The following SLC6A5 variants were observed in gnomAD, a reference collection of about 807,000 sequenced individuals.
SLC6A5 encodes the protein solute carrier family 6 member 5, also known as sodium- and chloride-dependent glycine transporter 2.
In SLC6A5, 58 loss-of-function variants were observed where a neutral mutation model predicts 90.5. The observed-to-expected ratio is 0.64, with a 90% CI of 0.52 to 0.80. The LOEUF is 0.80. SLC6A5 is among the 30% of genes least tolerant of loss of function. SLC6A5 has a pLI of 0.00. For missense variants in SLC6A5, 1,015 were observed against 1,017.6 expected, an observed-to-expected ratio of 1.00 and a Z score of 0.03; for synonymous variants, 427 against 401.4, an observed-to-expected ratio of 1.06 and a Z score of -0.76.
At chr11:20,611,934 C>T (rs1590159848) in intron 5 of SLC6A5, among the ~76,000 whole-genome samples, 2 of 151,514 alleles carry the variant, frequency 1.3e-5, no homozygotes, top group Admixed American at 1.3e-4. Flanking sequence ...AAAAAAGGTC[C>T]TCTTCTCTTA....
At position 20,637,256 on chromosome 11, in the gene SLC6A5, GGCT is replaced by G. The variant is rs777415870; in HGVS notation, c.1828_1830del (p.Cys610del). 2 of 1,613,790 alleles carry G rather than the reference GGCT, an allele frequency of 1.2e-6. No homozygotes were observed. The highest frequency in any genetic ancestry group is 4.5e-5 in the East Asian group (2 of 44,836). On this transcript the variant is annotated inframe_deletion, in exon 12 of 16. Transcript: ENST00000525748. Reference sequence around the variant, plus strand: ...CACACACAAGCCAGTGTTTACTCTGGGCTGCTGCATTTGTTTCTTCATCATGGG... The same window carrying G: ...CACACACAAGCCAGTGTTTACTCTGGGCTGCATTTGTTTCTTCATCATGGG...
chr11:20,652,241 A>C (rs1853547489), intron 14 of SLC6A5, 48 bp from the exon 15 acceptor site: 1 of 1,585,960 alleles, frequency 6.3e-7, no homozygotes, highest in Non-Finnish European at 8.7e-7. Flanking sequence ...GAGTGCTTGA[A>C]TAATTCACGC....
intron 7 of SLC6A5, among the ~76,000 whole-genome samples, chr11:20,620,214 G>A (rs1410184629): frequency 1.3e-5 from 2 of 152,170 alleles, no homozygotes; most frequent in Non-Finnish European, 2.9e-5. Context: ...GACTGCAGGA[G>A]GAGAGGTGAT....
intron 14 of SLC6A5, among the ~76,000 whole-genome samples, chr11:20,650,183 C>T (rs1853497551): frequency 6.6e-6 from 1 of 152,128 alleles, no homozygotes; most frequent in South Asian, 2.1e-4. Context: ...AGAGGACTTA[C>T]ATAGGTACAT....
intron 14 of SLC6A5, 101 bp from the exon 15 acceptor site, chr11:20,652,188 A>G (rs568331634): frequency 1.4e-5 from 15 of 1,070,518 alleles, no homozygotes; most frequent in Non-Finnish European, 2.0e-5. Context: ...ATAGAATAAT[A>G]GAGACGAAAG....
intron 6 of SLC6A5, among the ~76,000 whole-genome samples, chr11:20,615,408 G>A (rs1165221115): frequency 6.6e-6 from 1 of 151,736 alleles, no homozygotes; most frequent in African/African-American, 2.4e-5. Flanking sequence ...TCGCTCTGTT[G>A]CCCAGGCTGG....
chr11:20,618,011 A>T lies in SLC6A5; in HGVS notation c.1260+127A>T, dbSNP rs537604839. The T allele has an allele frequency of 4.0e-4, 384 of 958,952 alleles. No individual in the cohort carries two copies. The African/African-American group carries it at 5.7e-3, about 14-fold the overall frequency. 59.4% of individuals were successfully genotyped at this position (958,952 alleles called of 1,614,324 possible). ...GCTAATTCTGACTCTGCCCTGGAGC[A>T]GCTGAGGGGCTGTGACTTCACTTTC... On this transcript the variant is annotated intron_variant, in intron 7 of 15. Coordinates refer to ENST00000525748, the MANE Select transcript of SLC6A5 (RefSeq NM_004211.5).
At chr11:20,619,772 C>T (rs182509291) in intron 7 of SLC6A5, among the ~76,000 whole-genome samples, 2 of 152,210 alleles carry the variant, frequency 1.3e-5, no homozygotes, top group East Asian at 3.9e-4. Context: ...GGAACACTTG[C>T]TGGGTGAGCT....
intron 6 of SLC6A5, among the ~76,000 whole-genome samples, chr11:20,615,970 A>G (rs1852777179): frequency 6.6e-6 from 1 of 152,234 alleles, no homozygotes; most frequent in Non-Finnish European, 1.5e-5. Context: ...AAAGATGGAA[A>G]TAAAGTCTGG....
intron 14 of SLC6A5, among the ~76,000 whole-genome samples, chr11:20,650,155 A>C (rs1853496740): frequency 6.6e-6 from 1 of 151,840 alleles, no homozygotes; most frequent in South Asian, 2.1e-4. Flanking sequence ...TTAGGAAGAG[A>C]GGGGTGGGGA....
chr11:20,629,807 G>A (rs1397187286), intron 9 of SLC6A5, among the ~76,000 whole-genome samples: 1 of 148,978 alleles, frequency 6.7e-6, no homozygotes, highest in Non-Finnish European at 1.5e-5. Flanking sequence ...TCAGCTCACT[G>A]CAACCTCCAC....
At chr11:20,625,677 C>G (rs1328710956) in intron 7 of SLC6A5, among the ~76,000 whole-genome samples, 1 of 152,160 alleles carries the variant, frequency 6.6e-6, no homozygotes, top group Non-Finnish European at 1.5e-5. Flanking sequence ...TAGCCCCCCA[C>G]CCCCTACTCT....
chr11:20,624,176 CAG>C (rs1484263682), intron 7 of SLC6A5, among the ~76,000 whole-genome samples: 11 of 150,564 alleles, frequency 7.3e-5, no homozygotes, highest in Non-Finnish European at 1.3e-4. Flanking sequence ...TTTTTTGAGA[CAG>C]AGTCTCACTC....
chr11:20,618,975 CACACAA>C (rs1339860296), intron 7 of SLC6A5, among the ~76,000 whole-genome samples: 22 of 139,134 alleles, frequency 1.6e-4, no homozygotes, highest in Admixed American at 2.9e-4. Flanking sequence ...CACACACACA[CACACAA>C]AGAAAAACCT....
At position 20,617,870 on chromosome 11, in the gene SLC6A5, A is replaced by C. The variant is rs1303265732; in HGVS notation, c.1246A>C (p.Lys416Gln). ...GTATGCATCATTGGCTAAAGGAATCAAGACTTCAGGAAAAGTAAGCACTTG... is the reference window on the plus strand; with the variant it reads ...GTATGCATCATTGGCTAAAGGAATCCAGACTTCAGGAAAAGTAAGCACTTG... ...IVYASLAKGI[K>Q]TSGKVVYFTA... The change falls in exon 7 of 16, where the codon AAG (lysine) becomes CAG (glutamine). Residue 416 changes from lysine to glutamine, a missense_variant. Lys to Gln is a moderately conservative substitution (Grantham distance 53, BLOSUM62 1). Around this residue, in one of 3 missense-constraint regions of SLC6A5, gnomAD observed 442 missense variants for 494.3 expected, o/e 0.89. Transcript: ENST00000525748. 6.2e-7 allele frequency: 1 copy of C among 1,613,890 alleles called. No homozygotes were observed.
intron 12 of SLC6A5, 63 bp downstream of exon 12, chr11:20,637,366 C>T (rs1461449775): frequency 2.7e-6 from 4 of 1,468,926 alleles, no homozygotes; most frequent in Non-Finnish European, 3.8e-6. Flanking sequence ...CAATAGCTAT[C>T]TGTCTTTCAA....
intron 15 of SLC6A5, among the ~76,000 whole-genome samples, chr11:20,653,618 A>T (rs1853581463): frequency 1.3e-5 from 2 of 152,180 alleles, no homozygotes. Flanking sequence ...AACGGTAGAG[A>T]CAGAATTAGC....
chr11:20,659,257 C>A lies in SLC6A5; in HGVS notation c.*4389C>A, dbSNP rs545774917. ...TAATAATGTATGAGTTCACAAAACC[C>A]TAAATAAATGTCAGTGTTTAAAACA... On this transcript the variant is annotated 3_prime_UTR_variant, in exon 16 of 16. Coordinates refer to ENST00000525748, the MANE Select transcript of SLC6A5 (RefSeq NM_004211.5). 6.6e-6 allele frequency: 1 copy of A among 151,938 alleles called. No homozygotes were observed. Among genetic ancestry groups the A allele is most frequent in the Non-Finnish European group, 1.5e-5 (1 of 67,972 alleles). 9.4% of individuals were successfully genotyped at this position (151,938 alleles called of 1,614,324 possible).
intron 15 of SLC6A5, among the ~76,000 whole-genome samples, chr11:20,653,120 G>A (rs1190021955): frequency 6.6e-6 from 1 of 152,174 alleles, no homozygotes; most frequent in East Asian, 1.9e-4. Context: ...AGTGAAGTGT[G>A]GTCAGGCTTT....
Sources: gnomAD v4.1 joint callset for allele counts (sites outside exome capture counted in the v4.1 genomes callset) on GRCh38, gnomAD v4.1.1 for gene constraint, gnomAD v4.1.1 regional missense constraint, MANE v1.5 for transcripts, NCBI Gene and HGNC (gene_info 2026-07-23, HGNC 2026-07-21) for gene names.